Variants in CNTLN observed in about 807,000 individuals in gnomAD.
The protein encoded by CNTLN is centlein.
Under a neutral mutation model 180.0 loss-of-function variants are expected in CNTLN, and 212 were observed. The ratio of observed to expected loss-of-function variants is 1.18; its 90% CI spans 1.05 to 1.32. CNTLN has a LOEUF of 1.32. Ranked by LOEUF, CNTLN falls within the 40% of genes most tolerant of loss-of-function variation. The pLI is 0.00. For missense variants in CNTLN, 2,095 were observed against 1,610.9 expected (o/e 1.30, Z -5.14); for synonymous variants, 722 against 563.1 (o/e 1.28, Z -3.99).
At chr9:17,190,150 C>G (rs778003892) in intron 2 of CNTLN, among the ~76,000 whole-genome samples, 3 of 149,034 alleles carry the variant, frequency 2.0e-5, no homozygotes, top group African/African-American at 5.0e-5. Context: ...GGAACACTGT[C>G]TCTATCTAGT....
intron 18 of CNTLN, among the ~76,000 whole-genome samples, chr9:17,421,034 C>T (rs1198235872): frequency 1.3e-5 from 2 of 152,096 alleles, no homozygotes; most frequent in African/African-American, 4.8e-5. Flanking sequence ...GTGTATTCTG[C>T]AGCTGTTTGA....
chr9:17,484,417 A>G lies in CNTLN; in HGVS notation c.3978A>G (p.Ala1326=), dbSNP rs1205379347. 7 of 1,611,876 alleles carry G rather than the reference A, an allele frequency of 4.3e-6. No individual in the cohort carries two copies. The highest frequency in any genetic ancestry group is 5.9e-6 in the Non-Finnish European group (7 of 1,179,342). ...CAACCCATAAAGCCCAGACCTTGGCAGCTTCTATCCTGAACATTTCACGGT... is the reference window on the plus strand; with the variant it reads ...CAACCCATAAAGCCCAGACCTTGGCGGCTTCTATCCTGAACATTTCACGGT... ...KTSTHKAQTL[A]ASILNISRSD... is the part of the protein sequence containing the mutation. Residue 1326 remains alanine, a synonymous_variant, in exon 24 of 26, where the codon GCA becomes GCG. Coordinates refer to ENST00000380647, the MANE Select transcript of CNTLN (RefSeq NM_017738.4).
chr9:17,360,862 T>C (rs1037544454), intron 12 of CNTLN, among the ~76,000 whole-genome samples: 2 of 152,216 alleles, frequency 1.3e-5, no homozygotes, highest in African/African-American at 2.4e-5. Flanking sequence ...TGTTGAATGT[T>C]CCATGGCACT....
chr9:17,486,500 A>G (rs372599216), intron 24 of CNTLN, among the ~76,000 whole-genome samples: 1 of 152,154 alleles, frequency 6.6e-6, no homozygotes, highest in African/African-American at 2.4e-5. Context: ...CTGGCCTATC[A>G]GTAGATTATT....
intron 1 of CNTLN, 57 bp downstream of exon 1, chr9:17,135,482 G>A (rs1163703322): frequency 6.5e-7 from 1 of 1,528,764 alleles, no homozygotes; most frequent in African/African-American, 1.4e-5. Context: ...GGGACCCGTG[G>A]GGAGGCGCGC....
intron 2 of CNTLN, among the ~76,000 whole-genome samples, chr9:17,147,856 A>G (rs1003609053): frequency 6.6e-5 from 10 of 152,192 alleles, no homozygotes; most frequent in Non-Finnish European, 1.0e-4. Context: ...CTTTTTGGAT[A>G]AAGTTTGCCC....
chr9:17,198,534 A>ATTTTTTTTTTTTTTTTTT (rs71304884), intron 2 of CNTLN, among the ~76,000 whole-genome samples: 1 of 98,098 alleles, frequency 1.0e-5, no homozygotes, highest in Non-Finnish European at 2.2e-5. Flanking sequence ...TACTTTCTTG[A>ATTTTTTTTTTTTTTTTTT]TTTTTTTTTT....
At chr9:17,268,116 T>A (rs1209430677) in intron 5 of CNTLN, among the ~76,000 whole-genome samples, 1 of 152,174 alleles carries the variant, frequency 6.6e-6, no homozygotes, top group Non-Finnish European at 1.5e-5. Flanking sequence ...GGTGCTCTGG[T>A]TTTTAGAGTT....
At chr9:17,279,842 C>G (rs1166691237) in intron 6 of CNTLN, among the ~76,000 whole-genome samples, 1 of 47,904 alleles carries the variant, frequency 2.1e-5, no homozygotes, top group Non-Finnish European at 3.8e-5. Flanking sequence ...GCTCTGCCTT[C>G]ATGAATGAAT....
intron 18 of CNTLN, among the ~76,000 whole-genome samples, chr9:17,434,586 T>A (rs1264435848): frequency 1.3e-5 from 2 of 152,106 alleles, no homozygotes; most frequent in East Asian, 3.9e-4. Context: ...CAGAGGCTAG[T>A]CTGTGTATAT....
At chr9:17,342,913 C>G (rs1460879991) in intron 12 of CNTLN, among the ~76,000 whole-genome samples, 5 of 152,188 alleles carry the variant, frequency 3.3e-5, no homozygotes, top group African/African-American at 1.2e-4. Context: ...ACTCTTGGAG[C>G]TGGAGCTGTC....
Position 17,388,278 on chromosome 9 carries a change from G to T in CNTLN, c.2079+25G>T, listed in dbSNP as rs769222991. ...GGTAGTCTAATCTTTAAGATATTGA[G>T]CTGAGCAAGTTAAATCTGAATTTTA... On this transcript the variant is annotated intron_variant, in intron 14 of 25. Transcript: ENST00000380647. 22 of 1,454,664 alleles carry T rather than the reference G, an allele frequency of 1.5e-5. No homozygotes were observed. The African/African-American group carries it at 2.8e-4, about 18-fold the overall frequency. The allele number at this position is 1,454,664 out of a possible 1,614,324, so 90.1% of individuals were successfully genotyped here.
chr9:17,277,074 C>G (rs1355588295), intron 6 of CNTLN, among the ~76,000 whole-genome samples: 1 of 75,484 alleles, frequency 1.3e-5, no homozygotes, highest in Non-Finnish European at 2.8e-5. Flanking sequence ...AATGATGGAG[C>G]TACTGTTTCT....
intron 2 of CNTLN, among the ~76,000 whole-genome samples, chr9:17,159,515 A>T (rs1160396381): frequency 6.6e-6 from 1 of 152,178 alleles, no homozygotes; most frequent in Non-Finnish European, 1.5e-5. Context: ...CTGCACCCAA[A>T]GTAGAGCCTA....
At chr9:17,203,186 G>A (rs558439125) in intron 2 of CNTLN, among the ~76,000 whole-genome samples, 10 of 152,282 alleles carry the variant, frequency 6.6e-5, no homozygotes, top group Middle Eastern at 3.4e-3. Context: ...TGGCTTGTAA[G>A]GTTTCTGCAG....
At chr9:17,156,376 G>A (rs757306986) in intron 2 of CNTLN, among the ~76,000 whole-genome samples, 68 of 151,970 alleles carry the variant, frequency 4.5e-4, no homozygotes, top group Non-Finnish European at 8.2e-4. Flanking sequence ...TATCTAGTCC[G>A]TTTTCACATT....
At chr9:17,279,529 T>C (rs576313838) in intron 6 of CNTLN, among the ~76,000 whole-genome samples, 6 of 152,180 alleles carry the variant, frequency 3.9e-5, no homozygotes, top group Admixed American at 6.5e-5. Context: ...AACAGCCTAT[T>C]TCCACTATAG....
intron 12 of CNTLN, among the ~76,000 whole-genome samples, chr9:17,364,335 C>G (rs1185150792): frequency 6.6e-6 from 1 of 152,070 alleles, no homozygotes; most frequent in Non-Finnish European, 1.5e-5. Context: ...CTGCTCTCTT[C>G]CATTTTATCA....
chr9:17,298,830 G>C (rs945100010), intron 7 of CNTLN: 1 of 985,854 alleles, frequency 1.0e-6, no homozygotes, highest in Non-Finnish European at 1.2e-6. Flanking sequence ...TATTTTGTGT[G>C]TTTCTGTTCA....
Sources: allele counts gnomAD v4.1 joint callset (sites outside exome capture counted in the v4.1 genomes callset), GRCh38; gene constraint gnomAD v4.1.1; transcripts MANE v1.5; gene names NCBI Gene and HGNC (gene_info 2026-07-23, HGNC 2026-07-21).